ENTR1: variants seen among roughly 807,000 people sequenced by gnomAD.
ENTR1 encodes the protein endosome-associated-trafficking regulator 1.
Under a neutral mutation model 47.9 loss-of-function variants are expected in ENTR1, and 47 were observed. The observed-to-expected ratio is 0.98, with a 90% CI of 0.78 to 1.25. The LOEUF is 1.25. Among genes scored for constraint, ENTR1 ranks in the 50% most tolerant of loss-of-function variants. The pLI is 0.00. For synonymous variants in ENTR1, 290 were observed against 245.8 expected (o/e 1.18, Z -1.68); for missense variants, 668 against 570.5 (o/e 1.17, Z -1.74).
intron 2 of ENTR1, among the ~76,000 whole-genome samples, 175 bp from the exon 3 acceptor site, chr9:136,409,242 G>A (rs1250943508): frequency 2.0e-5 from 3 of 151,092 alleles, no homozygotes; most frequent in East Asian, 2.0e-4. Flanking sequence ...GTGCAGTGGT[G>A]CGATCTCGGC....
rs998442915 is a variant in ENTR1, at chr9:136,410,248, AACG to A, written c.71-12_71-10del. 1.8e-5 allele frequency: 28 copies of A among 1,566,858 alleles called. No individual in the cohort carries two copies. In the African/African-American group the frequency reaches 3.4e-4, roughly 19 times the overall value. On this transcript the variant is annotated splice_polypyrimidine_tract_variant and intron_variant, in intron 1 of 9. Coordinates refer to ENST00000357365, the MANE Select transcript of ENTR1 (RefSeq NM_001039707.2). ...CTCATAGAACGCTGGAGCTGGAAGC[AACG>A]ACAACAGCGACTTTACTGCGTGCCG...
chr9:136,407,494 A>G lies in ENTR1; in HGVS notation c.470T>C (p.Leu157Pro), dbSNP rs1164858365. The change falls in exon 5 of 10, where the codon CTG becomes CCG. Residue 157 changes from leucine (L) to proline (P), a missense_variant. Leu to Pro is a moderately conservative substitution (Grantham distance 98). Coordinates refer to ENST00000357365, the MANE Select transcript of ENTR1 (RefSeq NM_001039707.2). ...SPPSQTGGYG[L>P]EYQQPFFEDP... ...CTCGAAAAATGGCTGCTGATACTCC[A>G]GGCCATACCCGCCGGTTTGGGAGGG... The G allele has an allele frequency of 6.2e-7, 1 of 1,608,346 alleles. No homozygotes were observed. The highest frequency in any genetic ancestry group is 1.7e-5 in the Admixed American group (1 of 59,628).
chr9:136,404,602 A>C (rs1485244831), intron 8 of ENTR1, 29 bp downstream of exon 8: 1 of 1,610,458 alleles, frequency 6.2e-7, no homozygotes, highest in Non-Finnish European at 8.5e-7. Flanking sequence ...AAATCAAAGA[A>C]AAACACTGAA....
chr9:136,405,893 A>C lies in ENTR1; in HGVS notation c.893+12T>G, dbSNP rs1834739680. On this transcript the variant is annotated intron_variant, in intron 6 of 9. Transcript: ENST00000357365. Reference sequence around the variant, plus strand: ...TGTTGTGGATTGCATTCCTAACTAAAAGCTTACATACATTTCTGTTTGAGC... The same window carrying C: ...TGTTGTGGATTGCATTCCTAACTAACAGCTTACATACATTTCTGTTTGAGC... 2 of 1,549,958 alleles carry C rather than the reference A, an allele frequency of 1.3e-6. No homozygotes were observed. Among genetic ancestry groups the C allele is most frequent in the African/African-American group, 2.8e-5 (2 of 72,462 alleles).
intron 6 of ENTR1, 39 bp downstream of exon 6, chr9:136,405,866 G>A (rs778080217): frequency 2.4e-6 from 3 of 1,259,242 alleles, no homozygotes; most frequent in East Asian, 4.8e-5. Flanking sequence ...CTGTGTATTA[G>A]ATGTTGTGGA....
At chr9:136,404,896 C>G (rs1338379533) in intron 7 of ENTR1, 195 bp downstream of exon 7, 2 of 667,530 alleles carry the variant, frequency 3.0e-6, no homozygotes, top group Admixed American at 2.6e-5. Context: ...TCTGGCCCCC[C>G]ACTCCCCACG....
chr9:136,408,279 C>G (rs1839882943), intron 3 of ENTR1, among the ~76,000 whole-genome samples: 1 of 152,134 alleles, frequency 6.6e-6, no homozygotes, highest in Admixed American at 6.5e-5. Flanking sequence ...GTGCTAGGAG[C>G]TCTCAAAGCT....
Position 136,407,357 on chromosome 9 carries a change from C to G in ENTR1, c.607G>C (p.Ala203Pro). 6.2e-7 allele frequency: 1 copy of G among 1,607,500 alleles called. No individual in the cohort carries two copies. The highest frequency in any genetic ancestry group is 1.7e-5 in the Admixed American group (1 of 59,190). ...IEQTHPERVP[A>P]GTSPCSTYLS... ...TATGTGCTGCAGGGCGACGTGCCGGCAGGGACCCTCTCGGGGTGAGTCTGC... is the reference window on the plus strand; with the variant it reads ...TATGTGCTGCAGGGCGACGTGCCGGGAGGGACCCTCTCGGGGTGAGTCTGC... Residue 203 changes from alanine (A) to proline (P), a missense_variant, in exon 5 of 10, where the codon GCC becomes CCC. Coordinates refer to ENST00000357365, the MANE Select transcript of ENTR1 (RefSeq NM_001039707.2).
chr9:136,410,465 C>CCGTGCCG lies in ENTR1; in HGVS notation c.-75_-69dup. 1.9e-6 allele frequency: 2 copies of CCGTGCCG among 1,030,822 alleles called. No homozygotes were observed. The highest frequency in any genetic ancestry group is 3.4e-5 in the African/African-American group (2 of 58,276). 63.9% of individuals were successfully genotyped at this position (1,030,822 alleles called of 1,614,324 possible). ...GGCGGCTCCATGGCCCCGGCTCCGC[C>CCGTGCCG]CGTGCCGCGGCCCGCGTCGCCCGCC... On this transcript the variant is annotated 5_prime_UTR_variant, in exon 1 of 10. Coordinates refer to ENST00000357365, the MANE Select transcript of ENTR1 (RefSeq NM_001039707.2).
chr9:136,402,366 C>A lies in ENTR1; in HGVS notation c.*422G>T, dbSNP rs924323382. ...TCGGCGGAAGGCACAGGTCCCTGCC[C>A]GGGGTGGCCATCTCAGAGGCACATT... On this transcript the variant is annotated 3_prime_UTR_variant, in exon 10 of 10. Coordinates refer to ENST00000357365, the MANE Select transcript of ENTR1 (RefSeq NM_001039707.2). 66 of 157,376 alleles carry A rather than the reference C, an allele frequency of 4.2e-4. No homozygotes were observed. Among genetic ancestry groups the A allele is most frequent in the Non-Finnish European group, 7.0e-5 (5 of 71,454 alleles). The allele number at this position is 157,376 out of a possible 1,614,324, so 9.7% of individuals were successfully genotyped here.
rs1834675256 is a variant in ENTR1 at position 136,404,665 on chromosome 9, A to G, written c.1034T>C (p.Val345Ala). The change falls in exon 8 of 10, where the codon GTC becomes GCC. Residue 345 changes from valine to alanine, a missense_variant. Physicochemically the swap from Val to Ala is moderately conservative, Grantham distance 64. Transcript: ENST00000357365. Reference sequence around the variant, plus strand: ...ACTGATTTCCTGTTTTAGTTTCACGACGTGGTTTTCTGCCTTTACAGCCCG... The same window carrying G: ...ACTGATTTCCTGTTTTAGTTTCACGGCGTGGTTTTCTGCCTTTACAGCCCG... ...TKRAVKAENHVVKLKQEISLL... is the reference protein window; with the variant it reads ...TKRAVKAENHAVKLKQEISLL... 10 of 1,614,048 alleles carry G rather than the reference A, an allele frequency of 6.2e-6. No homozygotes were observed. The South Asian group carries it at 1.1e-4, about 18-fold the overall frequency.
chr9:136,407,563 T>TG lies in ENTR1; in HGVS notation c.403-3_403-2insC. On this transcript the variant is annotated splice_polypyrimidine_tract_variant and splice_region_variant and intron_variant, in intron 4 of 9. Transcript: ENST00000357365. ...TCCCAGGGAATGCCTCGAGGCTTCC[T>TG]AAAAAAAAAAAAAAAAAAAAAACAA... 7.6e-7 allele frequency: 1 copy of TG among 1,319,394 alleles called. No homozygotes were observed. The highest frequency in any genetic ancestry group is 9.8e-7 in the Non-Finnish European group (1 of 1,024,112). The allele number at this position is 1,319,394 out of a possible 1,614,324, so 81.7% of individuals were successfully genotyped here.
intron 5 of ENTR1, chr9:136,406,906 T>A: frequency 2.0e-6 from 1 of 504,456 alleles, no homozygotes; most frequent in East Asian, 3.2e-5. Context: ...TACAGCCCTG[T>A]AAGTGCCCAA....
In ENTR1 at chr9:136,404,194, C is replaced by G; in HGVS notation, c.1069G>C (p.Ala357Pro). 6.2e-7 allele frequency: 1 copy of G among 1,605,330 alleles called. No homozygotes were observed. The highest frequency in any genetic ancestry group is 8.5e-7 in the Non-Finnish European group (1 of 1,174,996). Residue 357 changes from alanine (A) to proline (P), a missense_variant and splice_region_variant, in exon 9 of 10, where the codon GCG (alanine) becomes CCG (proline). By Grantham distance (27) the Ala-to-Pro change is conservative. Coordinates refer to ENST00000357365, the MANE Select transcript of ENTR1 (RefSeq NM_001039707.2). ...TCTCGCTGGAAGTTGGAGACCTGCG[C>G]CTGGGGGGACGGTTACGGCTAAGGA... The part of the protein sequence containing the change: ...KLKQEISLLQ[A>P]QVSNFQRENE...
intron 9 of ENTR1, 140 bp downstream of exon 9, chr9:136,403,915 T>C (rs1588781976): frequency 2.0e-6 from 2 of 990,986 alleles, no homozygotes; most frequent in East Asian, 5.1e-5. Flanking sequence ...ACAGGACCAC[T>C]GAGCACGCGT....
At position 136,410,450 on chromosome 9, in the gene ENTR1, T is replaced by A. The variant is rs1038794746; in HGVS notation, c.-53A>T. ...GCCTAGCCCGGCAGCGGCGGCTCCA[T>A]GGCCCCGGCTCCGCCCGTGCCGCGG... is the stretch of plus-strand genomic sequence containing the variant. On this transcript the variant is annotated 5_prime_UTR_variant, in exon 1 of 10. It removes an upstream start codon present in the reference 5' UTR. Coordinates refer to ENST00000357365, the MANE Select transcript of ENTR1 (RefSeq NM_001039707.2). The A allele has an allele frequency of 2.7e-6, 3 of 1,104,584 alleles. No homozygotes were observed. The highest frequency in any genetic ancestry group is 4.0e-5 in the South Asian group (1 of 25,278). 68.4% of individuals were successfully genotyped at this position (1,104,584 alleles called of 1,614,324 possible).
Position 136,410,450 on chromosome 9 carries a change from T to C in ENTR1, c.-53A>G, listed in dbSNP as rs1038794746. On this transcript the variant is annotated 5_prime_UTR_variant, in exon 1 of 10. The change abolishes an upstream ATG in the 5' untranslated region. Transcript: ENST00000357365. ...GCCTAGCCCGGCAGCGGCGGCTCCA[T>C]GGCCCCGGCTCCGCCCGTGCCGCGG... The C allele has an allele frequency of 1.0e-5, 11 of 1,104,582 alleles. No homozygotes were observed. Among genetic ancestry groups the C allele is most frequent in the Non-Finnish European group, 1.2e-5 (11 of 903,814 alleles). The allele number at this position is 1,104,582 out of a possible 1,614,324, so 68.4% of individuals were successfully genotyped here.
chr9:136,402,918 G>T (rs781516924), intron 9 of ENTR1, 31 bp from the exon 10 acceptor site: 92 of 1,565,998 alleles, frequency 5.9e-5, no homozygotes, highest in Non-Finnish European at 7.7e-5. Flanking sequence ...CAGGATGGGT[G>T]GCAGCAGCTA....
At chr9:136,403,963 C>T (rs1225391691) in intron 9 of ENTR1, 92 bp downstream of exon 9, 7 of 1,416,740 alleles carry the variant, frequency 4.9e-6, no homozygotes, top group Non-Finnish European at 6.6e-6. Context: ...GCCACGGTGC[C>T]ATCAGCCTGG....
Sources: allele counts gnomAD v4.1 joint callset (sites outside exome capture counted in the v4.1 genomes callset), GRCh38; gene constraint gnomAD v4.1.1; transcripts MANE v1.5; gene names NCBI Gene and HGNC (gene_info 2026-07-23, HGNC 2026-07-21).